Variants in COMMD10 observed in about 807,000 individuals in gnomAD.
COMMD10 encodes COMM domain-containing protein 10.
COMMD10 carries 33 observed loss-of-function variants against 28.9 expected under a neutral mutation model. The ratio of observed to expected loss-of-function variants is 1.14; its 90% CI spans 0.87 to 1.53. The LOEUF (loss-of-function observed/expected upper bound fraction) is 1.53, where lower values mean the gene tolerates loss of function less well. Ranked by LOEUF, COMMD10 falls within the 40% of genes most tolerant of loss-of-function variation. The probability of loss-of-function intolerance (pLI) is 0.00; values close to 1 mark genes in which losing one functional copy is unlikely to be tolerated. For missense variants in COMMD10, 310 were observed against 233.4 expected (o/e 1.33, Z -2.14); for synonymous variants, 110 against 81.7 (o/e 1.35, Z -1.87).
At chr5:116,224,255 G>A (rs968884229) in intron 5 of COMMD10, among the ~76,000 whole-genome samples, 9 of 152,132 alleles carry the variant, frequency 5.9e-5, no homozygotes, top group African/African-American at 1.9e-4. Flanking sequence ...TTGGGAATTC[G>A]TTTATTCCTG....
chr5:116,225,353 G>GGTTTTTTTTTTTTTTTTTTTTTTTTTTT (rs143964154), intron 5 of COMMD10, among the ~76,000 whole-genome samples: 1 of 116,512 alleles, frequency 8.6e-6, no homozygotes, highest in African/African-American at 3.4e-5. Flanking sequence ...TTTTTTTGGG[G>GGTTTTTTTTTTTTTTTTTTTTTTTTTTT]ATTTTTTTTT....
intron 5 of COMMD10, among the ~76,000 whole-genome samples, chr5:116,191,424 C>T (rs909437386): frequency 2.0e-5 from 3 of 151,658 alleles, no homozygotes; most frequent in African/African-American, 7.3e-5. Context: ...TCACCCACCA[C>T]CTGGAAACAG....
intron 5 of COMMD10, among the ~76,000 whole-genome samples, chr5:116,275,948 A>G (rs1040146438): frequency 1.4e-5 from 2 of 140,618 alleles, no homozygotes; most frequent in Admixed American, 7.1e-5. Context: ...AAATAAACTG[A>G]AAAAAAAATG....
intron 5 of COMMD10, among the ~76,000 whole-genome samples, chr5:116,262,315 T>G (rs773063165): frequency 1.1e-4 from 17 of 151,764 alleles, no homozygotes; most frequent in Non-Finnish European, 2.4e-4. Context: ...AATAGAAGTT[T>G]AATACATGTT....
intron 5 of COMMD10, among the ~76,000 whole-genome samples, chr5:116,284,783 G>A (rs1751174364): frequency 6.6e-6 from 1 of 151,742 alleles, no homozygotes; most frequent in African/African-American, 2.4e-5. Context: ...AATGAACTAT[G>A]AGTTGACTCA....
chr5:116,187,300 C>A (rs1165949988), intron 5 of COMMD10, among the ~76,000 whole-genome samples: 1 of 152,032 alleles, frequency 6.6e-6, no homozygotes, highest in Non-Finnish European at 1.5e-5. Flanking sequence ...AATTAATGAA[C>A]ATACAAATGA....
At chr5:116,247,858 G>T (rs774150422) in intron 5 of COMMD10, among the ~76,000 whole-genome samples, 1 of 151,832 alleles carries the variant, frequency 6.6e-6, no homozygotes, top group Non-Finnish European at 1.5e-5. Flanking sequence ...AATAACTAAT[G>T]GATACTAGGC....
At chr5:116,237,502 G>A (rs1207678830) in intron 5 of COMMD10, among the ~76,000 whole-genome samples, 1 of 151,938 alleles carries the variant, frequency 6.6e-6, no homozygotes, top group African/African-American at 2.4e-5. Flanking sequence ...ATTTTAAAAT[G>A]TAGATAAACG....
At chr5:116,087,726 A>G (rs1750154839) in intron 2 of COMMD10, 139 bp downstream of exon 2, 3 of 624,688 alleles carry the variant, frequency 4.8e-6, no homozygotes, top group East Asian at 2.8e-5. Flanking sequence ...AGATTTGGTA[A>G]TGTTTCATGG....
chr5:116,172,481 T>C (rs767911364), intron 5 of COMMD10, among the ~76,000 whole-genome samples: 33 of 152,322 alleles, frequency 2.2e-4, no homozygotes, highest in African/African-American at 3.1e-4. Flanking sequence ...TACAAAATCA[T>C]AGGAGCTCCC....
intron 5 of COMMD10, among the ~76,000 whole-genome samples, chr5:116,209,754 T>G (rs1455477972): frequency 6.6e-6 from 1 of 152,178 alleles, no homozygotes; most frequent in East Asian, 1.9e-4. Flanking sequence ...TAAATATATG[T>G]TTTTGTATAT....
At chr5:116,085,732 C>T (rs919570493) in intron 1 of COMMD10, 1 of 152,082 alleles carries the variant, frequency 6.6e-6, no homozygotes, top group Admixed American at 6.5e-5. Flanking sequence ...TAAAAAAAGA[C>T]TCAATTTGTG....
intron 5 of COMMD10, among the ~76,000 whole-genome samples, chr5:116,204,672 A>C (rs1207997112): frequency 6.6e-6 from 1 of 152,168 alleles, no homozygotes; most frequent in South Asian, 2.1e-4. Context: ...ACTCATTGAC[A>C]CTTAATATGC....
chr5:116,279,067 T>C (rs996854678), intron 5 of COMMD10, among the ~76,000 whole-genome samples: 1 of 151,778 alleles, frequency 6.6e-6, no homozygotes, highest in Non-Finnish European at 1.5e-5. Flanking sequence ...GGTGTATGCA[T>C]GTATGCCCTA....
intron 5 of COMMD10, among the ~76,000 whole-genome samples, chr5:116,249,706 C>G (rs1580582140): frequency 2.6e-5 from 4 of 151,376 alleles, no homozygotes; most frequent in African/African-American, 9.7e-5. Flanking sequence ...ATGGTTTTCT[C>G]TTACTATAGC....
intron 4 of COMMD10, among the ~76,000 whole-genome samples, chr5:116,119,930 A>G (rs186179629): frequency 1.3e-5 from 2 of 152,262 alleles, no homozygotes; most frequent in East Asian, 3.9e-4. Flanking sequence ...TGTATCTTTA[A>G]AAAATAATGT....
intron 5 of COMMD10, among the ~76,000 whole-genome samples, chr5:116,170,199 C>G (rs757281176): frequency 5.9e-5 from 9 of 152,104 alleles, no homozygotes; most frequent in Admixed American, 1.3e-4. Context: ...CAATAATAGA[C>G]AAACTGAGAG....
At chr5:116,186,307 A>G (rs1168042114) in intron 5 of COMMD10, among the ~76,000 whole-genome samples, 2 of 152,072 alleles carry the variant, frequency 1.3e-5, no homozygotes. Context: ...AATTTGTTTC[A>G]TTTCCGCACT....
At chr5:116,242,361 T>C (rs1749835231) in intron 5 of COMMD10, among the ~76,000 whole-genome samples, 1 of 152,248 alleles carries the variant, frequency 6.6e-6, no homozygotes, top group Admixed American at 6.5e-5. Context: ...TATGTGGTTT[T>C]TGAGAATTTC....
Sources: allele counts gnomAD v4.1 joint callset (sites outside exome capture counted in the v4.1 genomes callset), GRCh38; gene constraint gnomAD v4.1.1; transcripts MANE v1.5; gene names NCBI Gene and HGNC (gene_info 2026-07-23, HGNC 2026-07-21).